ADGRV1: variants seen among roughly 807,000 people sequenced by gnomAD.
ADGRV1 encodes adhesion G protein-coupled receptor V1.
Under a neutral mutation model 596.2 loss-of-function variants are expected in ADGRV1, and 359 were observed. The ratio of observed to expected loss-of-function variants is 0.60; its 90% confidence interval spans 0.55 to 0.66. The LOEUF (loss-of-function observed/expected upper bound fraction) is 0.66. Among genes scored for constraint, ADGRV1 ranks in the 30% least tolerant of loss-of-function variants. ADGRV1 has a pLI of 0.00. For missense variants in ADGRV1, 7,274 were observed against 7,575.6 expected (o/e 0.96, Z 1.48); for synonymous variants, 2,681 against 2,679.2 (o/e 1.00, Z -0.02).
chr5:90,937,454 A>AT (rs60263347), intron 83 of ADGRV1, among the ~76,000 whole-genome samples: 97 of 105,022 alleles, frequency 9.2e-4, no homozygotes, highest in Admixed American at 2.2e-3. Flanking sequence ...CAGTAACTGT[A>AT]TTTTTTTTTT....
intron 32 of ADGRV1, 63 bp from the exon 33 acceptor site, chr5:90,693,827 C>T: frequency 1.6e-6 from 2 of 1,252,360 alleles, no homozygotes; most frequent in Non-Finnish European, 2.2e-6. Context: ...CAGCATTCCT[C>T]TTCTCTATTT....
intron 58 of ADGRV1, among the ~76,000 whole-genome samples, chr5:90,760,351 T>C (rs1240444784): frequency 6.6e-6 from 1 of 150,752 alleles, no homozygotes; most frequent in African/African-American, 2.4e-5. Flanking sequence ...ATCTTTTGAG[T>C]GGTCTATTGA....
In ADGRV1 at chr5:91,035,861, T is replaced by TATATAA; in HGVS notation, c.18153-36586_18153-36585insATATAA. On this transcript the variant is annotated intron_variant, in intron 85 of 89. Coordinates refer to ENST00000405460, the MANE Select transcript of ADGRV1 (RefSeq NM_032119.4). ...ATGAGTGTGTATATATATATATATA[T>TATATAA]TATATATATATATATATATATCTTA... Among the ~76,000 whole-genome samples the TATATAA allele has an allele frequency of 5.6e-3, 541 of 96,322 alleles. 34 individuals are homozygous for TATATAA. Among genetic ancestry groups the TATATAA allele is most frequent in the African/African-American group, 0.019 (512 of 26,298 alleles). 63.2% of individuals were successfully genotyped at this position (96,322 alleles called of 152,430 possible).
intron 85 of ADGRV1, among the ~76,000 whole-genome samples, chr5:91,032,249 G>C (rs1581845347): frequency 6.6e-6 from 1 of 152,218 alleles, no homozygotes; most frequent in Non-Finnish European, 1.5e-5. Context: ...GAATGAGAGG[G>C]AGAAGAGAGA....
chr5:90,860,917 A>G (rs1767490266), intron 82 of ADGRV1, among the ~76,000 whole-genome samples: 1 of 152,196 alleles, frequency 6.6e-6, no homozygotes, highest in Non-Finnish European at 1.5e-5. Context: ...TTATTTGGAA[A>G]GTATCTCTCA....
At position 91,014,495 on chromosome 5, in the gene ADGRV1, C is replaced by T. The variant is rs186625143; in HGVS notation, c.18152+28973C>T. ...ATCTGGTAGAATTTGGCTGTAAATC[C>T]ATCAGGTCCTGGGAGTTTTTTTGTT... On this transcript the variant is annotated intron_variant, in intron 85 of 89. Transcript: ENST00000405460. Among the ~76,000 whole-genome samples, 298 of 151,890 alleles carry T rather than the reference C, an allele frequency of 2.0e-3. 1 individual carries two copies. Among genetic ancestry groups the T allele is most frequent in the African/African-American group, 6.1e-3 (252 of 41,478 alleles).
chr5:90,656,009 T>C (rs1237071215), intron 20 of ADGRV1, among the ~76,000 whole-genome samples: 2 of 152,198 alleles, frequency 1.3e-5, no homozygotes, highest in African/African-American at 4.8e-5. Flanking sequence ...ATTTGAAAAG[T>C]ATAGAATAGT....
At chr5:91,093,600 A>G (rs1790567517) in intron 86 of ADGRV1, among the ~76,000 whole-genome samples, 1 of 152,228 alleles carries the variant, frequency 6.6e-6, no homozygotes, top group Admixed American at 6.5e-5. Context: ...CCTTGGTGAA[A>G]GAGATAGACA....
chr5:90,976,806 C>A (rs6859871), intron 84 of ADGRV1, among the ~76,000 whole-genome samples: 76,162 of 151,982 alleles, frequency 0.5, 20,678 homozygotes, highest in African/African-American at 0.71. Context: ...AGATATACAA[C>A]CCTTGCATTG....
At chr5:90,978,545 T>C (rs866006785) in intron 84 of ADGRV1, among the ~76,000 whole-genome samples, 22 of 151,962 alleles carry the variant, frequency 1.4e-4, no homozygotes, top group African/African-American at 5.3e-4. Context: ...CAACAAAAAT[T>C]TACTGTATAT....
At chr5:90,898,320 GC>G (rs1771517727) in intron 83 of ADGRV1, among the ~76,000 whole-genome samples, 1 of 152,056 alleles carries the variant, frequency 6.6e-6, no homozygotes, top group African/African-American at 2.4e-5. Context: ...TTATGCTTGG[GC>G]CAAAAAGTAG....
rs138029547 is a variant in ADGRV1 at position 90,750,691 on chromosome 5, A to T, written c.11115A>T (p.Ser3705=). The change falls in exon 53 of 90, where the codon TCA becomes TCT. Residue 3705 remains serine (S), a synonymous_variant. Coordinates refer to ENST00000405460, the MANE Select transcript of ADGRV1 (RefSeq NM_032119.4). ...DGSISDIFPT[S]GVILFTEGQV... is the part of the protein sequence containing the mutation. Reference sequence around the variant, plus strand: ...GTATTAGTGATATATTTCCTACCTCAGGAGTGGTATGTAATTTACAAAGTT... The same window carrying T: ...GTATTAGTGATATATTTCCTACCTCTGGAGTGGTATGTAATTTACAAAGTT... 2.1e-4 allele frequency: 346 copies of T among 1,611,202 alleles called. 1 individual carries two copies. In the African/African-American group the frequency reaches 4.1e-3, roughly 19 times the overall value.
chr5:90,846,265 A>G (rs1765865687), intron 78 of ADGRV1: 1 of 151,830 alleles, frequency 6.6e-6, no homozygotes, highest in Non-Finnish European at 1.5e-5. Context: ...CAAGGTTGTC[A>G]TAAGTTCACT....
chr5:90,838,274 A>G lies in ADGRV1; in HGVS notation c.16612-2304A>G, dbSNP rs1264057195. On this transcript the variant is annotated intron_variant, in intron 77 of 89. Transcript: ENST00000405460. The stretch of plus-strand genomic sequence containing the variant: ...TTTTTTTCATTTTTTGACACAATCA[A>G]TCACTTCCTCCTTCCTGAAGAATGC... Among the ~76,000 whole-genome samples, 4 of 152,024 alleles carry G rather than the reference A, an allele frequency of 2.6e-5. No individual in the cohort carries two copies. In the East Asian group the frequency reaches 7.8e-4, roughly 30 times the overall value.
At chr5:91,063,846 CTGGTGGTGGTGG>C (rs199538556) in intron 85 of ADGRV1, among the ~76,000 whole-genome samples, 3 of 151,028 alleles carry the variant, frequency 2.0e-5, no homozygotes, top group Admixed American at 1.3e-4. Flanking sequence ...CATAGGGGAG[CTGGTGGTGGTGG>C]TGGTGGTGGT....
intron 84 of ADGRV1, among the ~76,000 whole-genome samples, chr5:90,971,217 C>T (rs903950794): frequency 3.3e-5 from 5 of 152,078 alleles, no homozygotes; most frequent in African/African-American, 4.8e-5. Context: ...ACCAAATCTA[C>T]GTCTGATTGG....
chr5:90,729,790 A>G, intron 50 of ADGRV1, 26 bp downstream of exon 50: 2 of 1,608,798 alleles, frequency 1.2e-6, no homozygotes, highest in South Asian at 1.1e-5. Flanking sequence ...CTGCTCACCA[A>G]TTCTAAAGGT....
chr5:90,861,521 G>GGA (rs1430410013), intron 82 of ADGRV1, among the ~76,000 whole-genome samples: 1 of 151,736 alleles, frequency 6.6e-6, no homozygotes, highest in Non-Finnish European at 1.5e-5. Flanking sequence ...GTGTTAGCCA[G>GGA]GATGGTCTCG....
chr5:90,943,628 A>C (rs1268356654), intron 83 of ADGRV1, among the ~76,000 whole-genome samples: 1 of 152,142 alleles, frequency 6.6e-6, no homozygotes, highest in Admixed American at 6.5e-5. Context: ...ACATGTCCAA[A>C]TTCAAGATGT....
Sources: allele counts gnomAD v4.1 joint callset (sites outside exome capture counted in the v4.1 genomes callset), GRCh38; gene constraint gnomAD v4.1.1; transcripts MANE v1.5; gene names NCBI Gene and HGNC (gene_info 2026-07-23, HGNC 2026-07-21).